MACROD1: variants seen among roughly 807,000 people sequenced by gnomAD.
MACROD1 encodes the protein ADP-ribose glycohydrolase MACROD1.
A neutral mutation model predicts 41.4 loss-of-function variants in MACROD1; 31 were observed. That is an observed-to-expected ratio of 0.75 (90% CI 0.56 to 1.01). MACROD1 has a LOEUF of 1.01. MACROD1 is among the 50% of genes least tolerant of loss of function. The probability of loss-of-function intolerance (pLI) is 0.00; values close to 1 mark genes in which losing one functional copy is unlikely to be tolerated. For synonymous variants in MACROD1, 252 were observed against 203.4 expected (o/e 1.24, Z -2.03); for missense variants, 473 against 460.0 (o/e 1.03, Z -0.26).
chr11:64,122,996 C>T lies in MACROD1; in HGVS notation c.517+28243G>A, dbSNP rs1590942392. 1.3e-5 allele frequency among the ~76,000 whole-genome samples: 2 copies of T among 152,356 alleles called. No homozygotes were observed. Among genetic ancestry groups the T allele is most frequent in the Non-Finnish European group, 2.9e-5 (2 of 68,034 alleles). The stretch of plus-strand genomic sequence containing the variant: ...CTTCAGAAACCTGCTTCCTGCTGAA[C>T]GTGCCAGAGAGGAGGCTGGGGCTTC... On this transcript the variant is annotated intron_variant, in intron 3 of 10. Transcript: ENST00000255681. The surrounding 1 kb of genome is among the most constrained non-coding windows in gnomAD (Gnocchi z 4.0).
At chr11:64,121,293 G>A (rs1475840734) in intron 3 of MACROD1, among the ~76,000 whole-genome samples, 3 of 152,230 alleles carry the variant, frequency 2.0e-5, no homozygotes, top group Non-Finnish European at 4.4e-5. Flanking sequence ...ACTGGGCGAG[G>A]GCGGGGCTCG....
Position 64,116,316 on chromosome 11 carries a change from A to T in MACROD1, c.517+34923T>A, listed in dbSNP as rs768943217. On this transcript the variant is annotated intron_variant, in intron 3 of 10. Coordinates refer to ENST00000255681, the MANE Select transcript of MACROD1 (RefSeq NM_014067.4). Reference sequence around the variant, plus strand: ...CACTGCCACCACCACGCCCACTGCCACTGTCACGGCCACCGTTGTGATGAC... The same window carrying T: ...CACTGCCACCACCACGCCCACTGCCTCTGTCACGGCCACCGTTGTGATGAC... 18 of 1,609,048 alleles carry T rather than the reference A, an allele frequency of 1.1e-5. 1 individual carries two copies. The South Asian group carries it at 1.9e-4, about 17-fold the overall frequency.
At chr11:64,108,731 G>A (rs1944808095) in intron 3 of MACROD1, among the ~76,000 whole-genome samples, 1 of 152,200 alleles carries the variant, frequency 6.6e-6, no homozygotes, top group Admixed American at 6.5e-5. Flanking sequence ...GTGAGGAATT[G>A]AAGGCATGGC....
rs1457336604 is a variant in MACROD1, at chr11:64,116,388, C to T, written c.517+34851G>A. The T allele has an allele frequency of 5.0e-6, 8 of 1,613,784 alleles. No individual in the cohort carries two copies. The highest frequency in any genetic ancestry group is 6.8e-6 in the Non-Finnish European group (8 of 1,180,014). On this transcript the variant is annotated intron_variant, in intron 3 of 10. Coordinates refer to ENST00000255681, the MANE Select transcript of MACROD1 (RefSeq NM_014067.4). ...GGACTGGCTGTTCCTCTGCTACGGG[C>T]TCATCGCCTTCCTGACGGAGGTCAT...
rs546609069 is a variant in MACROD1 at position 64,012,711 on chromosome 11, T to G, written c.547+2541A>C. ...ACCGCTCCTGGCCTTAATTTTTATA[T>G]TTTTAGTAGAGACAGGGTTTCACCA... On this transcript the variant is annotated intron_variant, in intron 4 of 10. Coordinates refer to ENST00000255681, the MANE Select transcript of MACROD1 (RefSeq NM_014067.4). Among the ~76,000 whole-genome samples, 5 of 152,312 alleles carry G rather than the reference T, an allele frequency of 3.3e-5. No homozygotes were observed. The East Asian group carries it at 5.8e-4, about 18-fold the overall frequency.
At chr11:64,137,702 C>T (rs1210165978) in intron 3 of MACROD1, among the ~76,000 whole-genome samples, 1 of 152,074 alleles carries the variant, frequency 6.6e-6, no homozygotes, top group Non-Finnish European at 1.5e-5. Flanking sequence ...GGCCACACAC[C>T]AGCATCGAGT....
intron 3 of MACROD1, among the ~76,000 whole-genome samples, chr11:64,029,949 G>A (rs1397230233): frequency 6.6e-6 from 1 of 152,186 alleles, no homozygotes; most frequent in African/African-American, 2.4e-5. Flanking sequence ...GTGGGGAGCA[G>A]AGGAAGCTCC....
At position 63,999,744 on chromosome 11, in the gene MACROD1, C is replaced by A; in HGVS notation, c.684G>T (p.Gly228=). ...LPAKYVIHTV[G]PIAYGEPSAS... ...CGCTGGGCTCCCCGTAGGCGATGGG[C>A]CCCACTGTGTGGATGACGTCTACGG... Residue 228 remains glycine, a synonymous_variant, in exon 6 of 11, where the codon GGG becomes GGT. Coordinates refer to ENST00000255681, the MANE Select transcript of MACROD1 (RefSeq NM_014067.4). 6.2e-7 allele frequency: 1 copy of A among 1,607,196 alleles called. No homozygotes were observed. The highest frequency in any genetic ancestry group is 8.5e-7 in the Non-Finnish European group (1 of 1,179,408).
rs1945109710 is a variant in MACROD1, at chr11:64,122,189, T to TC, written c.517+29049dup. ...GATGTGCATCAAAAGCTCCTTTTCT[T>TC]CCCTTTTCTCCTTCCCCCTCCCCAC... On this transcript the variant is annotated intron_variant, in intron 3 of 10. Coordinates refer to ENST00000255681, the MANE Select transcript of MACROD1 (RefSeq NM_014067.4). The surrounding 1 kb of genome is among the most constrained non-coding windows in gnomAD (Gnocchi z 4.0). Among the ~76,000 whole-genome samples the TC allele has an allele frequency of 6.6e-6, 1 of 152,212 alleles. No individual in the cohort carries two copies. Among genetic ancestry groups the TC allele is most frequent in the South Asian group, 2.1e-4 (1 of 4,836 alleles).
At chr11:64,088,709 A>G (rs1944438374) in intron 3 of MACROD1, among the ~76,000 whole-genome samples, 1 of 152,174 alleles carries the variant, frequency 6.6e-6, no homozygotes, top group African/African-American at 2.4e-5. Flanking sequence ...CCTGTCTATG[A>G]AATGGGGATA....
At chr11:64,008,015 G>C (rs971206007) in intron 4 of MACROD1, among the ~76,000 whole-genome samples, 1 of 152,272 alleles carries the variant, frequency 6.6e-6, no homozygotes, top group African/African-American at 2.4e-5. Flanking sequence ...AGCAATCACG[G>C]ATTAGCAGCG....
intron 4 of MACROD1, among the ~76,000 whole-genome samples, chr11:64,009,883 C>T (rs1030784529): frequency 6.6e-6 from 1 of 152,266 alleles, no homozygotes; most frequent in African/African-American, 2.4e-5. Context: ...CAGTCCCAGC[C>T]CCATCTTCTG....
chr11:64,105,184 G>A (rs1429836007), intron 3 of MACROD1, among the ~76,000 whole-genome samples: 5 of 152,368 alleles, frequency 3.3e-5, no homozygotes, highest in Admixed American at 1.3e-4. Flanking sequence ...CAGCCCGACA[G>A]CGGGGCCGCG....
chr11:64,095,369 C>T (rs1278020614), intron 3 of MACROD1, among the ~76,000 whole-genome samples: 2 of 152,154 alleles, frequency 1.3e-5, no homozygotes, highest in African/African-American at 4.8e-5. Flanking sequence ...AAAGTCTGGC[C>T]GCCTGGGCCG....
chr11:64,150,176 G>A (rs555958467), intron 3 of MACROD1, among the ~76,000 whole-genome samples: 68 of 152,352 alleles, frequency 4.5e-4, no homozygotes, highest in Non-Finnish European at 8.4e-4. Flanking sequence ...GACCAGGCCC[G>A]GGGCGGCCGA....
chr11:64,154,862 C>T lies in MACROD1; in HGVS notation c.299-2469G>A, dbSNP rs113286890. Among the ~76,000 whole-genome samples the T allele has an allele frequency of 6.2e-3, 943 of 152,242 alleles. 8 individuals carry two copies. Among genetic ancestry groups the T allele is most frequent in the African/African-American group, 0.021 (879 of 41,532 alleles). ...AGCCTCCCTAGTAGCTGGGATTACA[C>T]GCGTGTGCCAGCACACCCAACTAAT... On this transcript the variant is annotated intron_variant, in intron 1 of 10. Transcript: ENST00000255681.
chr11:64,087,584 G>A (rs1944416901), intron 3 of MACROD1, among the ~76,000 whole-genome samples: 1 of 152,230 alleles, frequency 6.6e-6, no homozygotes, highest in South Asian at 2.1e-4. Context: ...GCATCCTGCA[G>A]CTTCACTCGC....
At chr11:64,070,486 C>T (rs577708022) in intron 3 of MACROD1, among the ~76,000 whole-genome samples, 47 of 152,286 alleles carry the variant, frequency 3.1e-4, no homozygotes, top group African/African-American at 1.0e-3. Flanking sequence ...GGGAAGCTTT[C>T]GGACCCTCCT....
intron 3 of MACROD1, among the ~76,000 whole-genome samples, chr11:64,061,967 C>A (rs1943913690): frequency 6.8e-6 from 1 of 147,062 alleles, no homozygotes; most frequent in Non-Finnish European, 1.5e-5. Context: ...ACCATGCCAC[C>A]CCCACCCCCC....
Sources: gnomAD v4.1 joint callset for allele counts (sites outside exome capture counted in the v4.1 genomes callset) on GRCh38, gnomAD v4.1.1 for gene constraint, Gnocchi (gnomAD v3.1) non-coding constraint, MANE v1.5 for transcripts, NCBI Gene and HGNC (gene_info 2026-07-23, HGNC 2026-07-21) for gene names.